The following TMEM208 variants were observed in gnomAD, a reference collection of about 807,000 sequenced individuals.
TMEM208 encodes transmembrane protein 208.
A neutral mutation model predicts 26.4 loss-of-function variants in TMEM208; 19 were observed. That is an observed-to-expected ratio of 0.72 (90% CI 0.50 to 1.06). TMEM208 has a LOEUF of 1.06. Ranked by LOEUF, TMEM208 falls within the 50% of genes least tolerant of loss-of-function variation. TMEM208 has a pLI of 0.00. For missense variants in TMEM208, 183 were observed against 219.8 expected, an observed-to-expected ratio of 0.83 and a Z score of 1.06; for synonymous variants, 93 against 83.1, an observed-to-expected ratio of 1.12 and a Z score of -0.65.
At chr16:67,228,252 C>T (rs769082570) in intron 2 of TMEM208, 103 bp from the exon 3 acceptor site, 27 of 1,335,610 alleles carry the variant, frequency 2.0e-5, no homozygotes, top group Non-Finnish European at 2.6e-5. Context: ...TAAGAACAAC[C>T]TTGCTCCTCC....
intron 2 of TMEM208, 190 bp from the exon 3 acceptor site, chr16:67,228,164 TC>T: frequency 2.9e-6 from 2 of 689,122 alleles, no homozygotes; most frequent in South Asian, 3.7e-5. Flanking sequence ...CACAAAGGCT[TC>T]TTTCCTGGGC....
intron 2 of TMEM208, 72 bp downstream of exon 2, chr16:67,228,003 G>T: frequency 7.8e-7 from 1 of 1,274,590 alleles, no homozygotes; most frequent in South Asian, 1.4e-5. Flanking sequence ...GCTTGGTGAC[G>T]AGGAGTGGTA....
chr16:67,228,853 C>G lies in TMEM208; in HGVS notation c.356C>G (p.Ser119Cys), dbSNP rs1397798875. ...TAIVQVLSCFSLYVWSFWLLA... is the reference protein window; with the variant it reads ...TAIVQVLSCFCLYVWSFWLLA... Reference sequence around the variant, plus strand: ...ATCGTGCAGGTGCTCAGCTGCTTCTCTCTCTATGTCTGGTCCTTCTGGCTT... The same window carrying G: ...ATCGTGCAGGTGCTCAGCTGCTTCTGTCTCTATGTCTGGTCCTTCTGGCTT... The change falls in exon 5 of 6, where the codon TCT becomes TGT. Residue 119 changes from serine (S) to cysteine (C), a missense_variant. Physicochemically the swap from Ser to Cys is moderately radical, Grantham distance 112. Transcript: ENST00000304800. 6.2e-7 allele frequency: 1 copy of G among 1,613,822 alleles called. No individual in the cohort carries two copies. The highest frequency in any genetic ancestry group is 8.5e-7 in the Non-Finnish European group (1 of 1,179,846).
At position 67,228,532 on chromosome 16, in the gene TMEM208, G is replaced by C. The variant is rs1567379157; in HGVS notation, c.200G>C (p.Ser67Thr). 1 of 1,612,804 alleles carries C rather than the reference G, an allele frequency of 6.2e-7. No homozygotes were observed. Among genetic ancestry groups the C allele is most frequent in the African/African-American group, 1.3e-5 (1 of 74,974 alleles). Residue 67 changes from serine (S) to threonine (T), a missense_variant, in exon 4 of 6, where the codon AGC becomes ACC. By Grantham distance (58) the Ser-to-Thr change is moderately conservative (BLOSUM62 1). Transcript: ENST00000304800. ...LGFSLAVYGA[S>T]YHSMSSMARA... ...TTTAGTCTGGCAGTGTATGGGGCCAGCTACCACTCTATGAGCTCGATGGCA... is the reference window on the plus strand; with the variant it reads ...TTTAGTCTGGCAGTGTATGGGGCCACCTACCACTCTATGAGCTCGATGGCA...
chr16:67,227,787 A>G, intron 1 of TMEM208, 49 bp from the exon 2 acceptor site: 2 of 1,447,672 alleles, frequency 1.4e-6, no homozygotes, highest in Non-Finnish European at 1.9e-6. Flanking sequence ...TGGTGGGGAG[A>G]ATGAGGAGGA....
chr16:67,228,221 A>G, intron 2 of TMEM208, 134 bp from the exon 3 acceptor site: 2 of 961,354 alleles, frequency 2.1e-6, no homozygotes, highest in South Asian at 2.7e-5. Context: ...TTCAGGGAGC[A>G]GGGCCCTTTC....
At chr16:67,228,195 G>C (rs780598068) in intron 2 of TMEM208, 160 bp from the exon 3 acceptor site, 1 of 799,530 alleles carries the variant, frequency 1.3e-6, no homozygotes, top group Non-Finnish European at 2.1e-6. Flanking sequence ...TGTCAGAGGA[G>C]AGTGGGTATT....
Position 67,228,571 on chromosome 16 carries a change from C to T in TMEM208, c.239C>T (p.Ser80Phe). ...SMSSMARAAF[S>F]EDGALMDGGM... is the part of the protein sequence containing the mutation. ...AGCTCGATGGCACGAGCAGCGTTCT[C>T]TGAGGATGGGGCCCTGATGGATGGT... Residue 80 changes from serine (S) to phenylalanine (F), a missense_variant, in exon 4 of 6, where the codon TCT becomes TTT. Coordinates refer to ENST00000304800, the MANE Select transcript of TMEM208 (RefSeq NM_014187.4). The T allele has an allele frequency of 1.9e-6, 3 of 1,607,962 alleles. No homozygotes were observed. The highest frequency in any genetic ancestry group is 2.6e-6 in the Non-Finnish European group (3 of 1,175,956).
chr16:67,229,186 G>A lies in TMEM208; in HGVS notation c.*73G>A. The A allele has an allele frequency of 1.4e-6, 2 of 1,474,446 alleles. No homozygotes were observed. Among genetic ancestry groups the A allele is most frequent in the Non-Finnish European group, 1.8e-6 (2 of 1,096,606 alleles). 91.3% of individuals were successfully genotyped at this position (1,474,446 alleles called of 1,614,324 possible). On this transcript the variant is annotated 3_prime_UTR_variant, in exon 6 of 6. Transcript: ENST00000304800. ...GGGTGCACAGCCCCTCATGCCTGGA[G>A]CAATGAGGGTCTAGTCCAGGGGCCA...
chr16:67,228,585 C>T lies in TMEM208; in HGVS notation c.253C>T (p.Leu85=), dbSNP rs1597310263. ...ARAAFSEDGA[L]MDGGMDLNME... is the part of the protein sequence containing the mutation. ...AGCAGCGTTCTCTGAGGATGGGGCC[C>T]TGATGGATGGTGGCATGGACCTCAA... The change falls in exon 4 of 6, where the codon CTG becomes TTG. Residue 85 remains leucine (L), a synonymous_variant. Coordinates refer to ENST00000304800, the MANE Select transcript of TMEM208 (RefSeq NM_014187.4). 1 of 1,603,782 alleles carries T rather than the reference C, an allele frequency of 6.2e-7. No individual in the cohort carries two copies. The highest frequency in any genetic ancestry group is 1.1e-5 in the South Asian group (1 of 89,796).
In TMEM208 at chr16:67,227,213, C is replaced by T; in HGVS notation, c.-6C>T. 1.2e-6 allele frequency: 2 copies of T among 1,612,126 alleles called. No homozygotes were observed. The highest frequency in any genetic ancestry group is 1.7e-6 in the Non-Finnish European group (2 of 1,178,796). ...TGTTTCCCGGGCTGGGTATTTGCCT[C>T]GCACCATGGCGGTAAGGAGGATGGA... On this transcript the variant is annotated 5_prime_UTR_variant, in exon 1 of 6. Transcript: ENST00000304800.
At chr16:67,228,943 G>T (rs749724715) in intron 5 of TMEM208, 33 bp from the exon 6 acceptor site, 1 of 1,610,490 alleles carries the variant, frequency 6.2e-7, no homozygotes, top group Non-Finnish European at 8.5e-7. Flanking sequence ...TTTATTCCCT[G>T]CATCTTGCTT....
At position 67,227,187 on chromosome 16, in the gene TMEM208, G is replaced by A. The variant is rs754633139; in HGVS notation, c.-32G>A. On this transcript the variant is annotated 5_prime_UTR_variant, in exon 1 of 6. It adds an upstream start codon to the 5' untranslated region. Transcript: ENST00000304800. Reference sequence around the variant, plus strand: ...TGATTGCGGTTTCGGTCGCTCTCCCGTGTTTCCCGGGCTGGGTATTTGCCT... The same window carrying A: ...TGATTGCGGTTTCGGTCGCTCTCCCATGTTTCCCGGGCTGGGTATTTGCCT... 1.9e-6 allele frequency: 3 copies of A among 1,611,008 alleles called. 1 individual carries two copies. The South Asian group carries it at 3.3e-5, about 18-fold the overall frequency.
rs781392405 is a variant in TMEM208 at position 67,228,899 on chromosome 16, G to GC, written c.384+19dup. The GC allele has an allele frequency of 1.9e-6, 3 of 1,613,132 alleles. No individual in the cohort carries two copies. The highest frequency in any genetic ancestry group is 1.7e-6 in the Non-Finnish European group (2 of 1,179,598). On this transcript the variant is annotated intron_variant, in intron 5 of 5. Transcript: ENST00000304800. ...GGCTTCTGGTATGTGGGCTGGGGGC[G>GC]CTCCCAAGAAGGGGCATCTAACCCT...
intron 2 of TMEM208, 169 bp downstream of exon 2, chr16:67,228,100 A>C (rs2034094589): frequency 9.1e-6 from 6 of 658,098 alleles, no homozygotes; most frequent in Non-Finnish European, 1.6e-5. Flanking sequence ...AAACACAAAG[A>C]AAATGAAGGC....
chr16:67,228,684 G>C, intron 4 of TMEM208, 53 bp downstream of exon 4: 1 of 1,541,356 alleles, frequency 6.5e-7, no homozygotes, highest in Non-Finnish European at 8.7e-7. Flanking sequence ...CTGGGGCCCA[G>C]ATAGCCCAAG....
chr16:67,228,680 C>G (rs1202929453), intron 4 of TMEM208, 49 bp downstream of exon 4: 1 of 1,540,968 alleles, frequency 6.5e-7, no homozygotes, highest in Non-Finnish European at 8.7e-7. Flanking sequence ...AGGGCTGGGG[C>G]CCAGATAGCC....
At position 67,228,501 on chromosome 16, in the gene TMEM208, C is replaced by A; in HGVS notation, c.169C>A (p.Leu57Met). The change falls in exon 4 of 6, where the codon CTG (leucine) becomes ATG (methionine). Residue 57 changes from leucine (L) to methionine (M), a missense_variant. By Grantham distance (15) the Leu-to-Met change is conservative. Coordinates refer to ENST00000304800, the MANE Select transcript of TMEM208 (RefSeq NM_014187.4). ...SSASFWAWLA[L>M]GFSLAVYGAS... is the part of the protein sequence containing the mutation. Reference sequence around the variant, plus strand: ...CCTCATTCTTGCTCTGCAGTTGGCCCTGGGCTTTAGTCTGGCAGTGTATGG... The same window carrying A: ...CCTCATTCTTGCTCTGCAGTTGGCCATGGGCTTTAGTCTGGCAGTGTATGG... The A allele has an allele frequency of 2.5e-6, 4 of 1,613,662 alleles. No homozygotes were observed. In the South Asian group the frequency reaches 4.4e-5, roughly 18 times the overall value.
rs114662763 is a variant in TMEM208 at position 67,229,132 on chromosome 16, C to G, written c.*19C>G. 1,857 of 1,575,040 alleles carry G rather than the reference C, an allele frequency of 1.2e-3. 19 individuals are homozygous for G. The African/African-American group carries it at 0.022, about 18-fold the overall frequency. On this transcript the variant is annotated 3_prime_UTR_variant, in exon 6 of 6. Coordinates refer to ENST00000304800, the MANE Select transcript of TMEM208 (RefSeq NM_014187.4). ...GTTATAGCCATTGACATTGTGGCCA[C>G]AGGCCACTGGCCCTGGGTGGCTCTG...
Sources: allele counts gnomAD v4.1 joint callset, GRCh38; gene constraint gnomAD v4.1.1; transcripts MANE v1.5; gene names NCBI Gene and HGNC (gene_info 2026-07-23, HGNC 2026-07-21).